ATG10: variants seen among roughly 807,000 people sequenced by gnomAD.
The protein encoded by ATG10 is ubiquitin-like-conjugating enzyme ATG10.
In ATG10, 30 loss-of-function variants were observed where a neutral mutation model predicts 32.1. That is an observed-to-expected ratio of 0.94 (90% CI 0.70 to 1.27). ATG10 has a LOEUF of 1.27. Ranked by LOEUF, ATG10 falls within the 50% of genes most tolerant of loss-of-function variation. ATG10 has a pLI of 0.00. For synonymous variants in ATG10, 87 were observed against 91.5 expected (o/e 0.95, Z 0.28); for missense variants, 233 against 262.3 (o/e 0.89, Z 0.77).
intron 2 of ATG10, among the ~76,000 whole-genome samples, chr5:82,035,734 C>T (rs1168550418): frequency 4.7e-5 from 7 of 147,860 alleles, no homozygotes; most frequent in African/African-American, 1.7e-4. Flanking sequence ...GTAAAAATAA[C>T]ATATATGATT....
chr5:82,211,203 A>G (rs1246996322), intron 5 of ATG10, among the ~76,000 whole-genome samples: 1 of 152,222 alleles, frequency 6.6e-6, no homozygotes, highest in Non-Finnish European at 1.5e-5. Flanking sequence ...TTATGTCCAA[A>G]GGGAACCAGT....
At chr5:82,047,432 G>A (rs1215701895) in intron 2 of ATG10, among the ~76,000 whole-genome samples, 2 of 152,220 alleles carry the variant, frequency 1.3e-5, no homozygotes, top group African/African-American at 2.4e-5. Flanking sequence ...CGGAACTAGT[G>A]TGTTTAAACT....
Position 81,987,611 on chromosome 5 carries a change from G to T in ATG10, c.41G>T (p.Arg14Leu), listed in dbSNP as rs768215835. 3 of 1,612,632 alleles carry T rather than the reference G, an allele frequency of 1.9e-6. No homozygotes were observed. In the African/African-American group the frequency reaches 4.0e-5, roughly 22 times the overall value. Residue 14 changes from arginine to leucine, a missense_variant, in exon 2 of 8, where the codon CGT (arginine) becomes CTT (leucine). By Grantham distance (102) the Arg-to-Leu change is moderately radical. Transcript: ENST00000282185. ...TTCATTGGAGAAAAAACATTCCAACGTTATTGTGCAGAATTCATTAAACAT... is the reference window on the plus strand; with the variant it reads ...TTCATTGGAGAAAAAACATTCCAACTTTATTGTGCAGAATTCATTAAACAT... ...DEFIGEKTFQ[R>L]YCAEFIKHSQ...
intron 5 of ATG10, among the ~76,000 whole-genome samples, chr5:82,220,700 GCT>G (rs779448527): frequency 5.7e-4 from 86 of 150,292 alleles, no homozygotes; most frequent in Non-Finnish European, 1.1e-3. Flanking sequence ...CGTGATCTTG[GCT>G]CTCTGCAAGC....
intron 2 of ATG10, among the ~76,000 whole-genome samples, chr5:82,029,164 T>A (rs1383114549): frequency 2.0e-5 from 3 of 152,276 alleles, no homozygotes; most frequent in Middle Eastern, 6.8e-3. Flanking sequence ...TAGAGTACAA[T>A]TTAAGTTTGA....
intron 5 of ATG10, among the ~76,000 whole-genome samples, chr5:82,196,270 A>G (rs1399751004): frequency 2.0e-5 from 3 of 152,116 alleles, no homozygotes; most frequent in African/African-American, 7.2e-5. Flanking sequence ...TTTAAAGTAT[A>G]TTTTGAATAC....
At chr5:82,234,427 A>C (rs1399503509) in intron 5 of ATG10, among the ~76,000 whole-genome samples, 1 of 152,150 alleles carries the variant, frequency 6.6e-6, no homozygotes, top group African/African-American at 2.4e-5. Flanking sequence ...TGCTGGGCTC[A>C]TCCGTAAAAC....
intron 5 of ATG10, among the ~76,000 whole-genome samples, chr5:82,205,648 G>GT (rs1745260508): frequency 6.6e-6 from 1 of 152,192 alleles, no homozygotes; most frequent in Non-Finnish European, 1.5e-5. Flanking sequence ...TGTGAAATCT[G>GT]CTGTCAGAGA....
At chr5:82,037,537 G>A (rs1302399179) in intron 2 of ATG10, among the ~76,000 whole-genome samples, 2 of 151,632 alleles carry the variant, frequency 1.3e-5, no homozygotes, top group African/African-American at 2.4e-5. Flanking sequence ...GTGAGCCACC[G>A]CGCCCGGCCC....
chr5:82,194,848 T>C (rs1744791930), intron 5 of ATG10, among the ~76,000 whole-genome samples: 1 of 152,146 alleles, frequency 6.6e-6, no homozygotes, highest in African/African-American at 2.4e-5. Flanking sequence ...AATCAGAAAA[T>C]GTAGCCAGTT....
At chr5:82,165,473 T>C (rs1031874739) in intron 4 of ATG10, among the ~76,000 whole-genome samples, 1 of 152,256 alleles carries the variant, frequency 6.6e-6, no homozygotes, top group Non-Finnish European at 1.5e-5. Context: ...TCTCTAATTT[T>C]GCAGTGTTGG....
intron 3 of ATG10, among the ~76,000 whole-genome samples, chr5:82,158,591 T>G (rs1184034794): frequency 6.6e-6 from 1 of 152,058 alleles, no homozygotes; most frequent in Non-Finnish European, 1.5e-5. Context: ...ATGCAAATAC[T>G]CTACCATTTT....
At chr5:82,112,046 T>G (rs372373446) in intron 3 of ATG10, among the ~76,000 whole-genome samples, 1 of 151,990 alleles carries the variant, frequency 6.6e-6, no homozygotes, top group East Asian at 1.9e-4. Flanking sequence ...GAAAGAAATT[T>G]TTTTTCTGTT....
At chr5:82,188,296 T>G (rs1328213993) in intron 5 of ATG10, among the ~76,000 whole-genome samples, 1 of 152,232 alleles carries the variant, frequency 6.6e-6, no homozygotes, top group East Asian at 1.9e-4. Context: ...AGCAGAATAT[T>G]GCTTAGCTTT....
chr5:82,145,305 C>CT (rs1767308272), intron 3 of ATG10, among the ~76,000 whole-genome samples: 2 of 151,912 alleles, frequency 1.3e-5, no homozygotes, highest in Non-Finnish European at 2.9e-5. Flanking sequence ...TGTTACCTTG[C>CT]TTTTTTTATA....
At chr5:82,013,361 T>A (rs1243177376) in intron 2 of ATG10, among the ~76,000 whole-genome samples, 1 of 152,180 alleles carries the variant, frequency 6.6e-6, no homozygotes, top group Non-Finnish European at 1.5e-5. Context: ...ATAATAATGG[T>A]CTCCAATTCC....
At chr5:82,242,081 C>G (rs1365881728) in intron 5 of ATG10, among the ~76,000 whole-genome samples, 1 of 152,060 alleles carries the variant, frequency 6.6e-6, no homozygotes, top group South Asian at 2.1e-4. Context: ...AGACTAGTAG[C>G]AGACCCACAA....
intron 3 of ATG10, among the ~76,000 whole-genome samples, chr5:82,085,880 T>C (rs1056054498): frequency 2.6e-5 from 4 of 152,130 alleles, no homozygotes; most frequent in African/African-American, 9.7e-5. Flanking sequence ...TCAAAATACA[T>C]TTAAAAGTCA....
At chr5:82,241,567 C>A (rs1326041435) in intron 5 of ATG10, among the ~76,000 whole-genome samples, 1 of 152,094 alleles carries the variant, frequency 6.6e-6, no homozygotes, top group Non-Finnish European at 1.5e-5. Flanking sequence ...CTGGTCTTGT[C>A]ATTCTTTGAA....
Sources: gnomAD v4.1 joint callset for allele counts (sites outside exome capture counted in the v4.1 genomes callset) on GRCh38, gnomAD v4.1.1 for gene constraint, MANE v1.5 for transcripts, NCBI Gene and HGNC (gene_info 2026-07-23, HGNC 2026-07-21) for gene names.